Variants in RAP1GAP2 observed in about 807,000 individuals in gnomAD.
RAP1GAP2 encodes rap1 GTPase-activating protein 2.
Under a neutral mutation model 95.0 loss-of-function variants are expected in RAP1GAP2, and 27 were observed. The ratio of observed to expected loss-of-function variants is 0.28; its 90% CI spans 0.21 to 0.39. RAP1GAP2 has a LOEUF of 0.39. Ranked by LOEUF, RAP1GAP2 falls within the 10% of genes least tolerant of loss-of-function variation. RAP1GAP2 has a pLI of 1.00. For synonymous variants in RAP1GAP2, 373 were observed against 380.9 expected (o/e 0.98, Z 0.24); for missense variants, 771 against 970.0 (o/e 0.79, Z 2.72).
intron 2 of RAP1GAP2, among the ~76,000 whole-genome samples, chr17:2,865,764 G>C (rs2072590644): frequency 6.6e-6 from 1 of 152,212 alleles, no homozygotes; most frequent in South Asian, 2.1e-4. Flanking sequence ...TGGTGCAAGT[G>C]ATGGGAACCG....
At chr17:2,916,712 T>A (rs1433491682) in intron 3 of RAP1GAP2, among the ~76,000 whole-genome samples, 1 of 152,198 alleles carries the variant, frequency 6.6e-6, no homozygotes, top group African/African-American at 2.4e-5. Context: ...GAGCATCTGA[T>A]ACGCAGGTGC....
chr17:2,837,609 T>C (rs1196793753), intron 2 of RAP1GAP2, among the ~76,000 whole-genome samples: 2 of 9,948 alleles, frequency 2.0e-4, no homozygotes, highest in Non-Finnish European at 3.7e-4. Context: ...CCCTGCTTCT[T>C]TTTTTTTTTT....
At chr17:2,960,999 T>G (rs1042192090) in intron 4 of RAP1GAP2, among the ~76,000 whole-genome samples, 13 of 152,186 alleles carry the variant, frequency 8.5e-5, no homozygotes, top group Admixed American at 2.6e-4. Flanking sequence ...GTGGATCACC[T>G]GAGGTTGGGA....
chr17:3,006,843 G>A (rs540251377), intron 16 of RAP1GAP2, among the ~76,000 whole-genome samples: 3 of 152,092 alleles, frequency 2.0e-5, no homozygotes, highest in Admixed American at 6.5e-5. Context: ...GGGTAGTCGG[G>A]GGGTGGGGCA....
chr17:3,002,491 C>T (rs1342714674), intron 14 of RAP1GAP2, among the ~76,000 whole-genome samples: 1 of 152,218 alleles, frequency 6.6e-6, no homozygotes, highest in East Asian at 1.9e-4. Flanking sequence ...CCCGGCAGCA[C>T]CCCAGGTAAT....
intron 1 of RAP1GAP2, among the ~76,000 whole-genome samples, chr17:2,769,232 TAAAAAAAAAAAAAAAAA>T (rs58436827): frequency 0.36 from 14,981 of 41,894 alleles, 1,987 homozygotes; most frequent in African/African-American, 0.46. Flanking sequence ...ACCATTTCTC[TAAAAAAAAAAAAAAAAA>T]AAAAAAAAAA....
At chr17:2,770,896 C>A (rs1353038587) in intron 2 of RAP1GAP2, among the ~76,000 whole-genome samples, 1 of 151,996 alleles carries the variant, frequency 6.6e-6, no homozygotes, top group African/African-American at 2.4e-5. Context: ...CAAAAATTAG[C>A]TGAGCGTGGT....
chr17:2,798,472 A>G (rs1421281246), intron 1 of RAP1GAP2, among the ~76,000 whole-genome samples: 2 of 152,062 alleles, frequency 1.3e-5, no homozygotes, highest in East Asian at 1.9e-4. Flanking sequence ...AGGGGGCGAG[A>G]CTGGGGTTTG....
chr17:3,030,880 T>G, intron 22 of RAP1GAP2, 42 bp from the exon 23 acceptor site: 3 of 1,549,244 alleles, frequency 1.9e-6, no homozygotes, highest in Non-Finnish European at 2.6e-6. Flanking sequence ...CCCAGTGGCC[T>G]CCACAGCTCC....
chr17:2,955,004 A>G (rs1164485055), intron 3 of RAP1GAP2, among the ~76,000 whole-genome samples: 1 of 152,216 alleles, frequency 6.6e-6, no homozygotes, highest in Non-Finnish European at 1.5e-5. Flanking sequence ...GTATGGATAC[A>G]GCACATTTTG....
intron 2 of RAP1GAP2, chr17:2,770,513 AG>A (rs958226047): frequency 7.8e-5 from 31 of 398,242 alleles, no homozygotes; most frequent in African/African-American, 6.2e-4. Context: ...GCTGGTACTT[AG>A]GAAGTGAGCT....
At chr17:3,011,845 A>G (rs533248887) in intron 17 of RAP1GAP2, among the ~76,000 whole-genome samples, 1 of 151,954 alleles carries the variant, frequency 6.6e-6, no homozygotes. Flanking sequence ...AACTCCTGAC[A>G]TCAGGTGATC....
chr17:2,850,363 A>G (rs911698044), intron 2 of RAP1GAP2, among the ~76,000 whole-genome samples: 1 of 152,092 alleles, frequency 6.6e-6, no homozygotes, highest in Non-Finnish European at 1.5e-5. Flanking sequence ...GTATTGAGGC[A>G]GAACTTAATA....
chr17:2,963,265 T>TG lies in RAP1GAP2; in HGVS notation c.247-160dup, dbSNP rs2044419974. 3.8e-6 allele frequency: 3 copies of TG among 786,060 alleles called. No individual in the cohort carries two copies. In the South Asian group the frequency reaches 4.7e-5, roughly 12 times the overall value. The allele number at this position is 786,060 out of a possible 1,614,324, so 48.7% of individuals were successfully genotyped here. On this transcript the variant is annotated intron_variant, in intron 5 of 24. Transcript: ENST00000254695. This position sits in a 1 kb window ranked among gnomAD's most constrained non-coding sequence, Gnocchi z 4.8. ...GGTTCTGTCAGTTTGGAGAAGAACA[T>TG]GGGGGATGTTAGATTCCAGAGCTGA...
intron 2 of RAP1GAP2, among the ~76,000 whole-genome samples, chr17:2,826,476 C>T (rs1004420735): frequency 2.6e-5 from 4 of 151,938 alleles, no homozygotes; most frequent in Non-Finnish European, 5.9e-5. Context: ...GTGTTGCCGG[C>T]GAGATGACGG....
intron 8 of RAP1GAP2, among the ~76,000 whole-genome samples, chr17:2,974,506 G>T (rs2045021697): frequency 6.6e-6 from 1 of 151,790 alleles, no homozygotes; most frequent in Non-Finnish European, 1.5e-5. Context: ...TCAGTCAAAA[G>T]AAAAGAAAAA....
chr17:2,866,825 C>A lies in RAP1GAP2; in HGVS notation c.81-38459C>A, dbSNP rs1485800498. On this transcript the variant is annotated intron_variant, in intron 2 of 24. Transcript: ENST00000254695. This position sits in a 1 kb window ranked among gnomAD's most constrained non-coding sequence, Gnocchi z 4.0. ...ACGTTGGCCGGGCTGGTCTCGAACT[C>A]CTGGCCTCAAGCGATCTGCCTGTCT... is the stretch of plus-strand genomic sequence containing the variant. 6.6e-6 allele frequency among the ~76,000 whole-genome samples: 1 copy of A among 151,904 alleles called. No homozygotes were observed. Among genetic ancestry groups the A allele is most frequent in the Non-Finnish European group, 1.5e-5 (1 of 67,996 alleles).
rs1192908859 is a variant in RAP1GAP2, at chr17:3,026,995, A to G, written c.2032A>G (p.Ser678Gly). 5.8e-6 allele frequency: 9 copies of G among 1,559,084 alleles called. No individual in the cohort carries two copies. The highest frequency in any genetic ancestry group is 7.8e-6 in the Non-Finnish European group (9 of 1,151,464). Reference sequence around the variant, plus strand: ...CTTCAAGCAGGAGGTGTTTGTCTACAGCCCGTCCCCGAGCAGCGAGAGCCC... The same window carrying G: ...CTTCAAGCAGGAGGTGTTTGTCTACGGCCCGTCCCCGAGCAGCGAGAGCCC... The part of the protein sequence containing the change: ...SPFKQEVFVY[S>G]PSPSSESPSL... Residue 678 changes from serine to glycine, a missense_variant, in exon 22 of 25, where the codon AGC becomes GGC. By Grantham distance (56) the Ser-to-Gly change is moderately conservative. Transcript: ENST00000254695.
rs554304678 is a variant in RAP1GAP2 at position 2,861,083 on chromosome 17, C to T, written c.81-44201C>T. Among the ~76,000 whole-genome samples, 19 of 152,192 alleles carry T rather than the reference C, an allele frequency of 1.2e-4. No homozygotes were observed. The South Asian group carries it at 3.7e-3, about 30-fold the overall frequency. ...ATGGCAGGCTCGCCCCTGCCACAGG[C>T]CCTTTGCACCTGCTGTTTACAGTGA... On this transcript the variant is annotated intron_variant, in intron 2 of 24. Coordinates refer to ENST00000254695, the MANE Select transcript of RAP1GAP2 (RefSeq NM_015085.5).
Sources: gnomAD v4.1 joint callset for allele counts (sites outside exome capture counted in the v4.1 genomes callset) on GRCh38, gnomAD v4.1.1 for gene constraint, Gnocchi (gnomAD v3.1) non-coding constraint, MANE v1.5 for transcripts, NCBI Gene and HGNC (gene_info 2026-07-23, HGNC 2026-07-21) for gene names.